The following PLCD3 variants were observed in gnomAD, a reference collection of about 807,000 sequenced individuals.
PLCD3 encodes phospholipase C delta 3, also known as 1-phosphatidylinositol 4,5-bisphosphate phosphodiesterase delta-3.
Under a neutral mutation model 82.8 loss-of-function variants are expected in PLCD3, and 62 were observed. The observed-to-expected ratio is 0.75, with a 90% CI of 0.61 to 0.93. The LOEUF is 0.93. Among genes scored for constraint, PLCD3 ranks in the 40% least tolerant of loss-of-function variants. The pLI, the probability that PLCD3 is intolerant of heterozygous loss-of-function variation, is 0.00. For synonymous variants in PLCD3, 478 were observed against 471.8 expected, an observed-to-expected ratio of 1.01 and a Z score of -0.17; for missense variants, 1,023 against 1,103.4, an observed-to-expected ratio of 0.93 and a Z score of 1.03.
At chr17:45,121,167 C>T (rs2054335913) in intron 2 of PLCD3, 37 bp from the exon 3 acceptor site, 2 of 1,532,746 alleles carry the variant, frequency 1.3e-6, no homozygotes, top group Non-Finnish European at 1.7e-6. Flanking sequence ...AGGACCGGGC[C>T]TGTCCCCACC....
In PLCD3 at chr17:45,123,959, C is replaced by CG. The variant is rs993389753; in HGVS notation, c.164-2588_164-2587insC. Among the ~76,000 whole-genome samples the CG allele has an allele frequency of 1.5e-3, 210 of 136,284 alleles. 8 individuals are homozygous for CG. Among genetic ancestry groups the CG allele is most frequent in the East Asian group, 2.6e-3 (13 of 5,064 alleles). The allele number at this position is 136,284 out of a possible 152,430, so 89.4% of individuals were successfully genotyped here. On this transcript the variant is annotated intron_variant, in intron 1 of 14. Coordinates refer to ENST00000619929, the MANE Select transcript of PLCD3 (RefSeq NM_133373.5). ...GCCAGGCCGAGGGGCTCACCAGACCCCCCCCCCAACCAGGTCCAGGTAGCC... is the reference window on the plus strand; with the variant it reads ...GCCAGGCCGAGGGGCTCACCAGACCCGCCCCCCCAACCAGGTCCAGGTAGCC...
Position 45,118,261 on chromosome 17 carries a change from C to T in PLCD3, c.1115+30G>A, listed in dbSNP as rs978572950. The stretch of plus-strand genomic sequence containing the variant: ...CCCATGTCTCTCCCCAGGTGGGGCT[C>T]CCGGAAACATTCACCCCCTGCTACA... On this transcript the variant is annotated intron_variant, in intron 6 of 14. Transcript: ENST00000619929. This position sits in a 1 kb window ranked among gnomAD's most constrained non-coding sequence, Gnocchi z 4.1. The T allele has an allele frequency of 2.5e-6, 4 of 1,613,264 alleles. No homozygotes were observed. Among genetic ancestry groups the T allele is most frequent in the Non-Finnish European group, 3.4e-6 (4 of 1,179,364 alleles).
chr17:45,121,252 C>T lies in PLCD3; in HGVS notation c.284G>A (p.Trp95Ter). 1 of 1,592,364 alleles carries T rather than the reference C, an allele frequency of 6.3e-7. No individual in the cohort carries two copies. Reference sequence around the variant, plus strand: ...CGCACGCGGGATGCGCCGCTGGAACCACACGCTCAGGCCGTCCTCCTGCAG... The same window carrying T: ...CGCACGCGGGATGCGCCGCTGGAACTACACGCTCAGGCCGTCCTCCTGCAG... The part of the protein sequence containing the change: ...YRLQEDGLSV[W>*]FQRRIPRAPS... Residue 95 changes from tryptophan to a stop codon, truncating the protein, a stop_gained, in exon 2 of 15, where the codon TGG (tryptophan) becomes TAG (stop). Transcript: ENST00000619929. LOFTEE classifies it high-confidence loss of function.
At position 45,118,893 on chromosome 17, in the gene PLCD3, G is replaced by A. The variant is rs1358389652; in HGVS notation, c.835C>T (p.Leu279=). 9.3e-6 allele frequency: 15 copies of A among 1,612,506 alleles called. No individual in the cohort carries two copies. Among genetic ancestry groups the A allele is most frequent in the African/African-American group, 1.3e-5 (1 of 74,928 alleles). Reference sequence around the variant, plus strand: ...GCGCCCTCCTCGCCCTGGTCCTCCAGGAACTCCAGCAGCTCAGGGGCACTC... The same window carrying A: ...GCGCCCTCCTCGCCCTGGTCCTCCAAGAACTCCAGCAGCTCAGGGGCACTC... ...VLSAPELLEF[L]EDQGEEGATL... is the part of the protein sequence containing the mutation. Residue 279 remains leucine, a synonymous_variant, in exon 5 of 15, where the codon CTG becomes TTG. Transcript: ENST00000619929. This position sits in a 1 kb window ranked among gnomAD's most constrained non-coding sequence, Gnocchi z 4.1.
In PLCD3 at chr17:45,118,741, C is replaced by A; in HGVS notation, c.913+74G>T. The stretch of plus-strand genomic sequence containing the variant: ...CTGCCCGAGATGATGCCCGCGCCAG[C>A]CCGCAGCAGAACCCGCTTAGCTGGG... On this transcript the variant is annotated intron_variant, in intron 5 of 14. Transcript: ENST00000619929. This position sits in a 1 kb window ranked among gnomAD's most constrained non-coding sequence, Gnocchi z 4.1. The A allele has an allele frequency of 1.4e-6, 2 of 1,459,138 alleles. No homozygotes were observed. Among genetic ancestry groups the A allele is most frequent in the South Asian group, 1.3e-5 (1 of 76,440 alleles). The allele number at this position is 1,459,138 out of a possible 1,614,324, so 90.4% of individuals were successfully genotyped here.
intron 1 of PLCD3, among the ~76,000 whole-genome samples, chr17:45,125,887 A>G (rs1294722591): frequency 6.6e-6 from 1 of 152,126 alleles, no homozygotes; most frequent in Non-Finnish European, 1.5e-5. Flanking sequence ...GGTAATGGAG[A>G]GTTATTGCTT....
At chr17:45,123,169 A>G (rs989390809) in intron 1 of PLCD3, among the ~76,000 whole-genome samples, 1 of 152,000 alleles carries the variant, frequency 6.6e-6, no homozygotes, top group Non-Finnish European at 1.5e-5. Context: ...TTGAGTCTAT[A>G]TCTCTGGACC....
At chr17:45,114,203 C>A in intron 11 of PLCD3, 47 bp downstream of exon 11, 2 of 1,433,482 alleles carry the variant, frequency 1.4e-6, no homozygotes, top group Non-Finnish European at 1.9e-6. Flanking sequence ...AGGCCTCCCC[C>A]ACACTGTGGC....
rs1339806008 is a variant in PLCD3 at position 45,109,467 on chromosome 17, A to G, written c.*3149T>C. On this transcript the variant is annotated 3_prime_UTR_variant, in exon 15 of 15. Transcript: ENST00000619929. The stretch of plus-strand genomic sequence containing the variant: ...TGGTTCTTTGAGTCACTAGGGGTGC[A>G]TTTTAACATGGCAAGTTGCTGGGCC... The G allele has an allele frequency of 6.6e-6, 1 of 152,282 alleles. No individual in the cohort carries two copies. The highest frequency in any genetic ancestry group is 2.4e-5 in the African/African-American group (1 of 41,436). 9.4% of individuals were successfully genotyped at this position (152,282 alleles called of 1,614,324 possible). A position where few individuals can be genotyped will look rare whatever the true frequency, so the allele number is the denominator to read the frequency against.
At position 45,114,362 on chromosome 17, in the gene PLCD3, G is replaced by T. The variant is rs1188515301; in HGVS notation, c.1716C>A (p.Asn572Lys). ...KAKKLIREAGNSFVRHNARQL... is the reference protein window; with the variant it reads ...KAKKLIREAGKSFVRHNARQL... ...GGCGGGCATTGTGCCTGACAAAGCT[G>T]TTCCCTGGGGCAGAGTTGGGGTGAG... The change falls in exon 11 of 15, where the codon AAC becomes AAA. Residue 572 changes from asparagine to lysine, a missense_variant. Asn to Lys is a moderately conservative substitution (Grantham distance 94). Transcript: ENST00000619929. The T allele has an allele frequency of 6.5e-7, 1 of 1,548,202 alleles. No homozygotes were observed.
intron 1 of PLCD3, among the ~76,000 whole-genome samples, chr17:45,124,150 C>G (rs929215580): frequency 6.6e-6 from 1 of 152,234 alleles, no homozygotes; most frequent in African/African-American, 2.4e-5. Context: ...CCTACCTAGG[C>G]CAGCCCTCTG....
At chr17:45,116,099 TAGG>T (rs1180446148) in intron 8 of PLCD3, among the ~76,000 whole-genome samples, 2 of 151,910 alleles carry the variant, frequency 1.3e-5, no homozygotes, top group Non-Finnish European at 2.9e-5. Flanking sequence ...GGATTGGAAG[TAGG>T]AGGAGAGTTT....
intron 11 of PLCD3, 148 bp downstream of exon 11, chr17:45,114,101 AT>A: frequency 1.6e-6 from 1 of 617,850 alleles, no homozygotes; most frequent in Non-Finnish European, 2.7e-6. Flanking sequence ...GCCTGATTTG[AT>A]TTTCCCACCT....
At chr17:45,126,599 G>A (rs1490926446) in intron 1 of PLCD3, among the ~76,000 whole-genome samples, 1 of 151,202 alleles carries the variant, frequency 6.6e-6, no homozygotes, top group Admixed American at 6.6e-5. Context: ...CACAGCACCC[G>A]GCCTATTTTA....
chr17:45,114,984 T>G, intron 10 of PLCD3, 110 bp downstream of exon 10: 2 of 1,405,738 alleles, frequency 1.4e-6, no homozygotes, highest in Non-Finnish European at 9.5e-7. Flanking sequence ...CTCTTTGGGG[T>G]CCTCTTGACC....
chr17:45,121,100 T>C lies in PLCD3; in HGVS notation c.356A>G (p.Glu119Gly). The change falls in exon 3 of 15, where the codon GAG (glutamate) becomes GGG (glycine). Residue 119 changes from glutamate (E) to glycine (G), a missense_variant. Coordinates refer to ENST00000619929, the MANE Select transcript of PLCD3 (RefSeq NM_133373.5). Reference protein sequence around the residue: ...FFVQHIEAVREGHQSEGLRRF... With the variant: ...FFVQHIEAVRGGHQSEGLRRF... ...CCGCAGGCCCTCGGACTGGTGGCCCTCGCGGACCGCCTCGATGTGCTGCAC... is the reference window on the plus strand; with the variant it reads ...CCGCAGGCCCTCGGACTGGTGGCCCCCGCGGACCGCCTCGATGTGCTGCAC... 1 of 1,530,414 alleles carries C rather than the reference T, an allele frequency of 6.5e-7. No individual in the cohort carries two copies. Among genetic ancestry groups the C allele is most frequent in the South Asian group, 1.2e-5 (1 of 82,342 alleles). 94.8% of individuals were successfully genotyped at this position (1,530,414 alleles called of 1,614,324 possible).
Position 45,118,351 on chromosome 17 carries a change from T to C in PLCD3, c.1055A>G (p.His352Arg). The change falls in exon 6 of 15, where the codon CAC (histidine) becomes CGC (arginine). Residue 352 changes from histidine (H) to arginine (R), a missense_variant. By Grantham distance (29) the His-to-Arg change is conservative. Coordinates refer to ENST00000619929, the MANE Select transcript of PLCD3 (RefSeq NM_133373.5). The surrounding 1 kb of genome is among the most constrained non-coding windows in gnomAD (Gnocchi z 4.1). ...CTGGGAGTCAGTCAGATAGGTGTTG[T>C]GGGAGGAAGAGATGAAGTAGTGGGC... ...PLAHYFISSS[H>R]NTYLTDSQIG... is the part of the protein sequence containing the mutation. 1 of 1,613,918 alleles carries C rather than the reference T, an allele frequency of 6.2e-7. No individual in the cohort carries two copies.
chr17:45,111,360 CTG>C lies in PLCD3; in HGVS notation c.*1254_*1255del, dbSNP rs1353825387. ...TGTCTCCTCCTCATTCAAGGCCCCT[CTG>C]TGTATGTGTGAGTGTGTGTGTGTGT... On this transcript the variant is annotated 3_prime_UTR_variant, in exon 15 of 15. Transcript: ENST00000619929. The C allele has an allele frequency of 7.0e-6, 1 of 142,426 alleles. No individual in the cohort carries two copies. The highest frequency in any genetic ancestry group is 2.8e-5 in the African/African-American group (1 of 35,748). 8.8% of individuals were successfully genotyped at this position (142,426 alleles called of 1,614,324 possible).
At position 45,132,289 on chromosome 17, in the gene PLCD3, C is replaced by A. The variant is rs369624861; in HGVS notation, c.122G>T (p.Gly41Val). The A allele has an allele frequency of 1.3e-5, 16 of 1,272,366 alleles. No individual in the cohort carries two copies. In the African/African-American group the frequency reaches 2.3e-4, roughly 18 times the overall value. 78.8% of individuals were successfully genotyped at this position (1,272,366 alleles called of 1,614,324 possible). A position where few individuals can be genotyped will look rare whatever the true frequency, so the allele number is the denominator to read the frequency against. ...CCGCAGCCCGGGCCTCTTGGTGCCG[C>A]CATCGGAGGGAGTCGGCGGGGACGG... ...ALPSPPTPSD[G>V]GTKRPGLRAL... The change falls in exon 1 of 15, where the codon GGC (glycine) becomes GTC (valine). Residue 41 changes from glycine to valine, a missense_variant. Gly to Val is a moderately radical substitution (Grantham distance 109, BLOSUM62 -3). Around this residue, in one of 3 missense-constraint regions of PLCD3, gnomAD observed 448 missense variants for 406.3 expected, o/e 1.10. Coordinates refer to ENST00000619929, the MANE Select transcript of PLCD3 (RefSeq NM_133373.5). The surrounding 1 kb of genome is among the most constrained non-coding windows in gnomAD (Gnocchi z 4.6).
Sources: gnomAD v4.1 joint callset for allele counts (sites outside exome capture counted in the v4.1 genomes callset) on GRCh38, gnomAD v4.1.1 for gene constraint, gnomAD v4.1.1 regional missense constraint, Gnocchi (gnomAD v3.1) non-coding constraint, MANE v1.5 for transcripts, NCBI Gene and HGNC (gene_info 2026-07-23, HGNC 2026-07-21) for gene names.